The following BFAR variants were observed in gnomAD, a reference collection of about 807,000 sequenced individuals.
BFAR encodes RING finger protein 47.
Under a neutral mutation model 54.4 loss-of-function variants are expected in BFAR, and 52 were observed. That is an observed-to-expected ratio of 0.96 (90% CI 0.77 to 1.21). BFAR has a LOEUF of 1.21. Among genes scored for constraint, BFAR ranks in the 50% most tolerant of loss-of-function variants. The pLI is 0.00. For missense variants in BFAR, 571 were observed against 534.0 expected (o/e 1.07, Z -0.68); for synonymous variants, 215 against 204.3 (o/e 1.05, Z -0.45).
Position 14,644,271 on chromosome 16 carries a change from TAGA to T in BFAR, c.-73-2_-73del. 2.1e-6 allele frequency: 3 copies of T among 1,404,968 alleles called. No individual in the cohort carries two copies. The highest frequency in any genetic ancestry group is 2.9e-6 in the Non-Finnish European group (3 of 1,022,336). 87.0% of individuals were successfully genotyped at this position (1,404,968 alleles called of 1,614,324 possible). A position where few individuals can be genotyped will look rare whatever the true frequency, so the allele number is the denominator to read the frequency against. On this transcript the variant is annotated splice_acceptor_variant and 5_prime_UTR_variant, in exon 2 of 8. Transcript: ENST00000261658. LOFTEE classifies it low-confidence loss of function (5UTR_SPLICE). ...TATTTTTGTCTCTGTTTTTTTTTTC[TAGA>T]TTAATGATGTTTTGCAGCAGTTTTC...
chr16:14,644,551 G>C lies in BFAR; in HGVS notation c.205G>C (p.Glu69Gln). ...ALWWASSKKT[E>Q]CPECREKWEG... ...ATGGTGGGCATCTTCAAAGAAAACA[G>C]AATGTCCAGAATGCAGAGAAAAATG... The change falls in exon 2 of 8, where the codon GAA (glutamate) becomes CAA (glutamine). Residue 69 changes from glutamate (E) to glutamine (Q), a missense_variant. By Grantham distance (29) the Glu-to-Gln change is conservative. Transcript: ENST00000261658. The C allele has an allele frequency of 6.2e-7, 1 of 1,613,958 alleles. No homozygotes were observed. Among genetic ancestry groups the C allele is most frequent in the Non-Finnish European group, 8.5e-7 (1 of 1,179,958 alleles).
intron 2 of BFAR, among the ~76,000 whole-genome samples, chr16:14,645,218 G>T (rs1368635419): frequency 6.6e-6 from 1 of 152,064 alleles, no homozygotes; most frequent in Non-Finnish European, 1.5e-5. Context: ...CAGTGGCTGA[G>T]GTGGGAGGAT....
intron 1 of BFAR, among the ~76,000 whole-genome samples, chr16:14,636,702 G>A (rs1004480250): frequency 6.6e-6 from 1 of 152,204 alleles, no homozygotes; most frequent in Non-Finnish European, 1.5e-5. Flanking sequence ...GTGTCGGGCT[G>A]GGGGACGGTC....
At chr16:14,640,704 G>C (rs1021818424) in intron 1 of BFAR, among the ~76,000 whole-genome samples, 2 of 152,152 alleles carry the variant, frequency 1.3e-5, no homozygotes, top group African/African-American at 2.4e-5. Flanking sequence ...AGGCTCACCT[G>C]CTTCCTTATA....
chr16:14,663,059 G>T (rs1208119060), intron 6 of BFAR, among the ~76,000 whole-genome samples: 1 of 152,208 alleles, frequency 6.6e-6, no homozygotes, highest in Non-Finnish European at 1.5e-5. Context: ...GGAATCTATA[G>T]ATAACATAAC....
chr16:14,633,845 G>A lies in BFAR; in HGVS notation c.-74+827G>A, dbSNP rs1206068812. On this transcript the variant is annotated intron_variant, in intron 1 of 7. Coordinates refer to ENST00000261658, the MANE Select transcript of BFAR (RefSeq NM_016561.3). ...TTTTTGTATTTTTAGTAGAGACGGG[G>A]TTTCACCATGTTGGTCAGACTGTTC... Among the ~76,000 whole-genome samples, 4 of 152,216 alleles carry A rather than the reference G, an allele frequency of 2.6e-5. No individual in the cohort carries two copies. The East Asian group carries it at 7.7e-4, about 29-fold the overall frequency.
At position 14,667,708 on chromosome 16, in the gene BFAR, C is replaced by A. The variant is rs764091634; in HGVS notation, c.1234C>A (p.Pro412Thr). 11 of 1,611,990 alleles carry A rather than the reference C, an allele frequency of 6.8e-6. No individual in the cohort carries two copies. The Admixed American group carries it at 1.0e-4, about 15-fold the overall frequency. ...TQGLFVAMFW[P>T]LIPQFVCNCL... ...GGGGCTTTTTGTGGCCATGTTCTGG[C>A]CCCTCATCCCTCAGTTTGTTTGCAA... The change falls in exon 8 of 8, where the codon CCC becomes ACC. Residue 412 changes from proline (P) to threonine (T), a missense_variant. Physicochemically the swap from Pro to Thr is conservative, Grantham distance 38. Transcript: ENST00000261658.
intron 4 of BFAR, among the ~76,000 whole-genome samples, chr16:14,653,249 C>T (rs1960025014): frequency 6.6e-6 from 1 of 152,128 alleles, no homozygotes; most frequent in Non-Finnish European, 1.5e-5. Flanking sequence ...TAATAGCTCT[C>T]CGGCCAGCTT....
At chr16:14,662,196 T>C in intron 6 of BFAR, 131 bp downstream of exon 6, 1 of 1,070,250 alleles carries the variant, frequency 9.3e-7, no homozygotes, top group South Asian at 1.5e-5. Context: ...GTAGGTCATT[T>C]GAGAGTAATA....
chr16:14,656,501 AAAAAG>A (rs1220866621), intron 5 of BFAR, among the ~76,000 whole-genome samples: 5 of 151,058 alleles, frequency 3.3e-5, no homozygotes, highest in Non-Finnish European at 7.4e-5. Flanking sequence ...AGAAAAAAAA[AAAAAG>A]GCCCTGGCAC....
chr16:14,644,202 A>G (rs1257624595), intron 1 of BFAR, 72 bp from the exon 2 acceptor site: 3 of 848,104 alleles, frequency 3.5e-6, no homozygotes, highest in Non-Finnish European at 5.5e-6. Flanking sequence ...ATAGAATGTC[A>G]ATACTTTTAT....
chr16:14,662,536 T>G (rs1751033397), intron 6 of BFAR, among the ~76,000 whole-genome samples: 1 of 152,140 alleles, frequency 6.6e-6, no homozygotes, highest in African/African-American at 2.4e-5. Context: ...GATTGATTGT[T>G]TGAGATTGGG....
At chr16:14,648,706 T>C in intron 3 of BFAR, 114 bp downstream of exon 3, 4 of 766,248 alleles carry the variant, frequency 5.2e-6, no homozygotes, top group East Asian at 2.6e-5. Context: ...TGTGACTCCA[T>C]GTAATTTACT....
At chr16:14,639,007 G>T (rs550971608) in intron 1 of BFAR, among the ~76,000 whole-genome samples, 1 of 151,720 alleles carries the variant, frequency 6.6e-6, no homozygotes, top group Non-Finnish European at 1.5e-5. Flanking sequence ...TTTAATAAAC[G>T]CAGTAAGAAT....
intron 5 of BFAR, among the ~76,000 whole-genome samples, chr16:14,659,463 C>T (rs1378585827): frequency 6.6e-6 from 1 of 151,490 alleles, no homozygotes; most frequent in Non-Finnish European, 1.5e-5. Context: ...AGGCTGGTCT[C>T]GAACTCCTGA....
intron 4 of BFAR, among the ~76,000 whole-genome samples, chr16:14,652,280 A>AT (rs1428834366): frequency 3.3e-5 from 5 of 149,352 alleles, no homozygotes; most frequent in African/African-American, 1.2e-4. Context: ...ATTAATATAT[A>AT]TTTTTATTTT....
chr16:14,644,179 AAT>A, intron 1 of BFAR, 93 bp from the exon 2 acceptor site: 1 of 735,098 alleles, frequency 1.4e-6, no homozygotes, highest in East Asian at 2.7e-5. Flanking sequence ...AAAAAAAAAA[AAT>A]TAGCGCTTCA....
rs536752538 is a variant in BFAR at position 14,653,509 on chromosome 16, A to G, written c.639-1557A>G. Among the ~76,000 whole-genome samples, 3 of 152,054 alleles carry G rather than the reference A, an allele frequency of 2.0e-5. No homozygotes were observed. The South Asian group carries it at 6.2e-4, about 32-fold the overall frequency. On this transcript the variant is annotated intron_variant, in intron 4 of 7. Transcript: ENST00000261658. ...TGCCCGCCTAATTTGTATTTTTAGT[A>G]GAGACGAGGTTTCACCACGTTGGCC...
chr16:14,637,901 A>G (rs1460255394), intron 1 of BFAR, among the ~76,000 whole-genome samples: 1 of 151,028 alleles, frequency 6.6e-6, no homozygotes, highest in African/African-American at 2.4e-5. Flanking sequence ...CCCTGCTGCT[A>G]GAGAAGTTTA....
Sources: gnomAD v4.1 joint callset for allele counts (sites outside exome capture counted in the v4.1 genomes callset) on GRCh38, gnomAD v4.1.1 for gene constraint, MANE v1.5 for transcripts, NCBI Gene and HGNC (gene_info 2026-07-23, HGNC 2026-07-21) for gene names.